FER: variants seen among roughly 807,000 people sequenced by gnomAD.
FER encodes the protein tyrosine-protein kinase Fer.
FER carries 63 observed loss-of-function variants against 111.0 expected under a neutral mutation model. That is an observed-to-expected ratio of 0.57 (90% CI 0.46 to 0.70). FER has a LOEUF of 0.70. Among genes scored for constraint, FER ranks in the 30% least tolerant of loss-of-function variants. The pLI is 0.00. For synonymous variants in FER, 327 were observed against 313.9 expected (o/e 1.04, Z -0.44); for missense variants, 914 against 954.0 (o/e 0.96, Z 0.55).
chr5:109,050,569 A>G (rs987065597), intron 16 of FER, among the ~76,000 whole-genome samples: 7 of 152,234 alleles, frequency 4.6e-5, no homozygotes, highest in African/African-American at 1.7e-4. Context: ...TGTCTTAAAA[A>G]TGTTTACAGA....
At chr5:108,906,796 A>T (rs1342747768) in intron 10 of FER, among the ~76,000 whole-genome samples, 3 of 152,068 alleles carry the variant, frequency 2.0e-5, no homozygotes, top group African/African-American at 7.2e-5. Context: ...TGTTATGGAA[A>T]ATAACAGCTT....
At chr5:109,071,710 C>T (rs373096845) in intron 16 of FER, among the ~76,000 whole-genome samples, 52 of 151,614 alleles carry the variant, frequency 3.4e-4, no homozygotes, top group African/African-American at 1.1e-3. Context: ...GAAGAGGACA[C>T]GGGGAATTTT....
At chr5:109,123,116 GT>G (rs1264821273) in intron 17 of FER, among the ~76,000 whole-genome samples, 2 of 147,826 alleles carry the variant, frequency 1.4e-5, no homozygotes, top group African/African-American at 2.5e-5. Flanking sequence ...TTATTTTCTG[GT>G]TGTTTTGTGG....
At position 109,195,540 on chromosome 5, in the gene FER, C is replaced by G. The variant is rs1759680924; in HGVS notation, c.*7965C>G. On this transcript the variant is annotated 3_prime_UTR_variant, in exon 20 of 20. Coordinates refer to ENST00000281092, the MANE Select transcript of FER (RefSeq NM_005246.4). ...CTAAATTCAATCCCCAATATAGATTCTAAGCATCAAATCAAAATCACAGAC... is the reference window on the plus strand; with the variant it reads ...CTAAATTCAATCCCCAATATAGATTGTAAGCATCAAATCAAAATCACAGAC... 6.6e-6 allele frequency: 1 copy of G among 152,172 alleles called. No homozygotes were observed. Among genetic ancestry groups the G allele is most frequent in the Admixed American group, 6.5e-5 (1 of 15,276 alleles). 9.4% of individuals were successfully genotyped at this position (152,172 alleles called of 1,614,324 possible). A position where few individuals can be genotyped will look rare whatever the true frequency, so the allele number is the denominator to read the frequency against.
At chr5:109,134,512 GCCTGT>G in intron 17 of FER, among the ~76,000 whole-genome samples, 1 of 152,076 alleles carries the variant, frequency 6.6e-6, no homozygotes, top group East Asian at 1.9e-4. Context: ...TGCTTTAGAG[GCCTGT>G]CCTAAACAAG....
rs990621736 is a variant in FER, at chr5:108,789,688, C to T, written c.-59-8436C>T. Reference sequence around the variant, plus strand: ...TGCAGTCTTGGCTCACTGCAACCTCCGCTTCCCAGGTTCAAGTGATTCTTG... The same window carrying T: ...TGCAGTCTTGGCTCACTGCAACCTCTGCTTCCCAGGTTCAAGTGATTCTTG... On this transcript the variant is annotated intron_variant, in intron 2 of 19. Coordinates refer to ENST00000281092, the MANE Select transcript of FER (RefSeq NM_005246.4). Among the ~76,000 whole-genome samples the T allele has an allele frequency of 5.3e-5, 8 of 151,838 alleles. No homozygotes were observed. The East Asian group carries it at 5.8e-4, about 11-fold the overall frequency.
intron 10 of FER, among the ~76,000 whole-genome samples, chr5:108,929,246 C>CT (rs1358920594): frequency 5.9e-5 from 9 of 152,048 alleles, no homozygotes; most frequent in Non-Finnish European, 1.3e-4. Context: ...GGTTGGCTGC[C>CT]TTAAAGTCTC....
chr5:108,775,337 A>G (rs1235543634), intron 2 of FER, among the ~76,000 whole-genome samples: 4 of 152,246 alleles, frequency 2.6e-5, no homozygotes, highest in African/African-American at 9.6e-5. Context: ...AGTTATTTTT[A>G]CTACACTGTA....
chr5:108,779,031 A>C (rs1753776129), intron 2 of FER, among the ~76,000 whole-genome samples: 1 of 148,576 alleles, frequency 6.7e-6, no homozygotes, highest in Non-Finnish European at 1.5e-5. Flanking sequence ...TTGCAAGTGG[A>C]TGTCCAATTG....
chr5:109,178,606 A>G (rs75874842), intron 17 of FER, among the ~76,000 whole-genome samples: 3,606 of 152,322 alleles, frequency 0.024, 69 homozygotes, highest in East Asian at 0.075. Flanking sequence ...TGCCAAAAAA[A>G]TTAGTTGACT....
At chr5:108,774,606 T>G (rs1162306253) in intron 2 of FER, among the ~76,000 whole-genome samples, 1 of 152,254 alleles carries the variant, frequency 6.6e-6, no homozygotes, top group Admixed American at 6.5e-5. Context: ...GTGATTGGCA[T>G]GAGAGGTTAT....
intron 1 of FER, among the ~76,000 whole-genome samples, chr5:108,767,026 C>T (rs62361303): frequency 0.14 from 21,544 of 152,128 alleles, 1,604 homozygotes; most frequent in Middle Eastern, 0.2. Flanking sequence ...AGAGGCCAGG[C>T]GCAGTGACCC....
chr5:108,966,078 C>T (rs1759771238), intron 13 of FER, among the ~76,000 whole-genome samples: 1 of 152,234 alleles, frequency 6.6e-6, no homozygotes, highest in African/African-American at 2.4e-5. Flanking sequence ...CTTTAGAAAC[C>T]ACTGATGTTC....
At chr5:108,992,799 A>T (rs183955810) in intron 13 of FER, among the ~76,000 whole-genome samples, 8,661 of 147,760 alleles carry the variant, frequency 0.059, 379 homozygotes, top group South Asian at 0.13. Context: ...GTTGCCAGGC[A>T]GAGGGTCTCC....
At chr5:109,082,513 A>G (rs1581947840) in intron 16 of FER, among the ~76,000 whole-genome samples, 1 of 152,040 alleles carries the variant, frequency 6.6e-6, no homozygotes, top group South Asian at 2.1e-4. Context: ...TAATACTTAC[A>G]TTATTATTAA....
intron 10 of FER, among the ~76,000 whole-genome samples, chr5:108,905,191 A>C (rs1420594134): frequency 6.6e-6 from 1 of 152,124 alleles, no homozygotes; most frequent in Non-Finnish European, 1.5e-5. Flanking sequence ...CTTCAGTATC[A>C]GGAGAGAAAA....
At chr5:109,147,265 T>A (rs765811623) in intron 17 of FER, among the ~76,000 whole-genome samples, 5 of 151,708 alleles carry the variant, frequency 3.3e-5, no homozygotes, top group Non-Finnish European at 4.4e-5. Context: ...TGGCAAGAAT[T>A]TAAAAGAATG....
At chr5:109,025,226 A>G (rs2052172605) in intron 13 of FER, among the ~76,000 whole-genome samples, 4 of 151,982 alleles carry the variant, frequency 2.6e-5, no homozygotes, top group African/African-American at 7.3e-5. Flanking sequence ...GGCCATTTTC[A>G]TGATATTGAT....
At chr5:109,163,167 T>G (rs762178140) in intron 17 of FER, among the ~76,000 whole-genome samples, 1 of 152,152 alleles carries the variant, frequency 6.6e-6, no homozygotes, top group Non-Finnish European at 1.5e-5. Context: ...GTTCTAGCTT[T>G]CTTTTTTGTA....
Sources: gnomAD v4.1 joint callset for allele counts (sites outside exome capture counted in the v4.1 genomes callset) on GRCh38, gnomAD v4.1.1 for gene constraint, MANE v1.5 for transcripts, NCBI Gene and HGNC (gene_info 2026-07-23, HGNC 2026-07-21) for gene names.